The following TMF1 variants were observed in gnomAD, a reference collection of about 807,000 sequenced individuals.
The protein encoded by TMF1 is TATA element modulatory factor.
In TMF1, 71 loss-of-function variants were observed where a neutral mutation model predicts 126.5. That is an observed-to-expected ratio of 0.56 (90% CI 0.46 to 0.68). The LOEUF (loss-of-function observed/expected upper bound fraction) is 0.68. Ranked by LOEUF, TMF1 falls within the 30% of genes least tolerant of loss-of-function variation. TMF1 has a pLI of 0.00. For missense variants in TMF1, 1,259 were observed against 1,253.2 expected, an observed-to-expected ratio of 1.00 and a Z score of -0.07; for synonymous variants, 461 against 430.5, an observed-to-expected ratio of 1.07 and a Z score of -0.88.
Position 69,035,008 on chromosome 3 carries a change from AACCTGTGACAGT to A in TMF1, c.2244+3_2244+14del. On this transcript the variant is annotated splice_donor_5th_base_variant and intron_variant, in intron 9 of 16. Coordinates refer to ENST00000398559, the MANE Select transcript of TMF1 (RefSeq NM_007114.3). ...ATACTTCTTGGATTTGTGTTTTGGA[AACCTGTGACAGT>A]ACCTGCTGAAGTTCACCGATCTCAT... The A allele has an allele frequency of 6.2e-7, 1 of 1,607,820 alleles. No homozygotes were observed. Among genetic ancestry groups the A allele is most frequent in the Middle Eastern group, 1.7e-4 (1 of 6,056 alleles).
In TMF1 at chr3:69,051,878, T is replaced by C. The variant is rs536484219; in HGVS notation, c.142+67A>G. 8.2e-6 allele frequency: 13 copies of C among 1,575,808 alleles called. 1 individual carries two copies. The highest frequency in any genetic ancestry group is 7.0e-5 in the South Asian group (6 of 86,152). The stretch of plus-strand genomic sequence containing the variant: ...AAGGAAGGACCCCTCTCTACACCAC[T>C]TAACCTGCCTGCATCAAGAGAACAG... On this transcript the variant is annotated intron_variant, in intron 1 of 16. Coordinates refer to ENST00000398559, the MANE Select transcript of TMF1 (RefSeq NM_007114.3).
At chr3:69,045,969 C>T (rs1207302485) in intron 2 of TMF1, among the ~76,000 whole-genome samples, 5 of 151,808 alleles carry the variant, frequency 3.3e-5, no homozygotes, top group Non-Finnish European at 7.4e-5. Context: ...GGTGGGAGGA[C>T]TGCTTGAGCC....
At chr3:69,031,931 T>A (rs1486110594) in intron 10 of TMF1, among the ~76,000 whole-genome samples, 2 of 152,228 alleles carry the variant, frequency 1.3e-5, no homozygotes, top group Admixed American at 6.5e-5. Context: ...TTTCAAAAGA[T>A]ATCATTTTCA....
chr3:69,050,269 A>C (rs1292114922), intron 1 of TMF1, among the ~76,000 whole-genome samples: 4 of 151,490 alleles, frequency 2.6e-5, no homozygotes, highest in Non-Finnish European at 5.9e-5. Context: ...CAAAAAAAAA[A>C]AAAACAAAAA....
chr3:69,045,100 A>T, intron 2 of TMF1, among the ~76,000 whole-genome samples: 1 of 152,198 alleles, frequency 6.6e-6, no homozygotes, highest in East Asian at 1.9e-4. Context: ...ACAAGTGTCT[A>T]TTTTCTGTAT....
Position 69,047,545 on chromosome 3 carries a change from G to A in TMF1, c.1160C>T (p.Pro387Leu). 6.2e-7 allele frequency: 1 copy of A among 1,613,968 alleles called. No homozygotes were observed. The highest frequency in any genetic ancestry group is 8.5e-7 in the Non-Finnish European group (1 of 1,180,000). Residue 387 changes from proline to leucine, a missense_variant, in exon 2 of 17, where the codon CCC (proline) becomes CTC (leucine). Coordinates refer to ENST00000398559, the MANE Select transcript of TMF1 (RefSeq NM_007114.3). ...TTCTTCCATTTCTGCTTCCTCAGTG[G>A]GTATAACTAATGTTTCATTTACTTC... ...SEEVNETLVI[P>L]TEEAEMEESG...
chr3:69,024,207 T>C, intron 15 of TMF1, 27 bp from the exon 16 acceptor site: 1 of 1,568,124 alleles, frequency 6.4e-7, no homozygotes, highest in East Asian at 2.3e-5. Context: ...CAAAATAGTT[T>C]AAATCAAAAC....
At chr3:69,033,739 C>T (rs1378346485) in intron 9 of TMF1, 35 bp from the exon 10 acceptor site, 1 of 1,554,430 alleles carries the variant, frequency 6.4e-7, no homozygotes, top group Non-Finnish European at 8.7e-7. Flanking sequence ...TTACCAATGA[C>T]AGCAATAAAA....
intron 3 of TMF1, 29 bp from the exon 4 acceptor site, chr3:69,043,905 G>C: frequency 6.3e-7 from 1 of 1,577,770 alleles, no homozygotes; most frequent in Non-Finnish European, 8.6e-7. Context: ...TTGAGAATGA[G>C]GATGGTGTCT....
chr3:69,023,408 CACT>C (rs2091750262), intron 16 of TMF1, 88 bp from the exon 17 acceptor site: 2 of 1,065,628 alleles, frequency 1.9e-6, no homozygotes, highest in Non-Finnish European at 2.7e-6. Context: ...ACAATGAAAA[CACT>C]ACAATTTAAA....
intron 10 of TMF1, 105 bp from the exon 11 acceptor site, chr3:69,030,112 T>A: frequency 1.1e-6 from 1 of 921,040 alleles, no homozygotes; most frequent in Non-Finnish European, 1.6e-6. Context: ...TAGCCACACT[T>A]AAAACTGATA....
At chr3:69,024,257 A>T in intron 15 of TMF1, 77 bp from the exon 16 acceptor site, 5 of 1,233,612 alleles carry the variant, frequency 4.1e-6, no homozygotes, top group Admixed American at 2.8e-5. Context: ...AAAATATTTA[A>T]TGTGTGTGTG....
rs751412476 is a variant in TMF1, at chr3:69,033,664, T to C, written c.2285A>G (p.Gln762Arg). Residue 762 changes from glutamine to arginine, a missense_variant, in exon 10 of 17, where the codon CAA (glutamine) becomes CGA (arginine). Gln to Arg is a conservative substitution (Grantham distance 43, BLOSUM62 1). Transcript: ENST00000398559. ...TGGTCTTGTTGTTGATGAAACACTT[T>C]GACTCAGTTCCTGGTTTCGATTCTC... ...EAENRNQELSQSVSSTTRPLL... is the reference protein window; with the variant it reads ...EAENRNQELSRSVSSTTRPLL... The C allele has an allele frequency of 2.5e-6, 4 of 1,613,754 alleles. No homozygotes were observed. In the South Asian group the frequency reaches 4.4e-5, roughly 18 times the overall value.
intron 1 of TMF1, among the ~76,000 whole-genome samples, chr3:69,051,323 A>C (rs1328391569): frequency 6.6e-6 from 1 of 152,048 alleles, no homozygotes; most frequent in African/African-American, 2.4e-5. Context: ...AAAAATACAA[A>C]AAGTTGCCGG....
At position 69,020,245 on chromosome 3, in the gene TMF1, G is replaced by A. The variant is rs1383656266; in HGVS notation, c.*2932C>T. On this transcript the variant is annotated 3_prime_UTR_variant, in exon 17 of 17. Transcript: ENST00000398559. ...TCACTACAAACTTCATGTTTCCTAG[G>A]TCAGAAGTTATCCACATTTAGAATA... The A allele has an allele frequency of 6.6e-6, 1 of 152,106 alleles. No homozygotes were observed. Among genetic ancestry groups the A allele is most frequent in the East Asian group, 1.9e-4 (1 of 5,184 alleles). The allele number at this position is 152,106 out of a possible 1,614,324, so 9.4% of individuals were successfully genotyped here. A position where few individuals can be genotyped will look rare whatever the true frequency, so the allele number is the denominator to read the frequency against.
intron 7 of TMF1, 38 bp from the exon 8 acceptor site, chr3:69,038,758 G>C: frequency 6.3e-7 from 1 of 1,594,216 alleles, no homozygotes; most frequent in Non-Finnish European, 8.5e-7. Context: ...TGTTGCCAGT[G>C]ATCAGATAAT....
rs1208614626 is a variant in TMF1, at chr3:69,048,270, A to C, written c.435T>G (p.Pro145=). The change falls in exon 2 of 17, where the codon CCT becomes CCG. Residue 145 remains proline (P), a synonymous_variant. Coordinates refer to ENST00000398559, the MANE Select transcript of TMF1 (RefSeq NM_007114.3). ...CTTTTACTTGTGATTCAGTTGTTTC[A>C]GGAGTTCTTGACTGGCCAATGTGCA... The part of the protein sequence containing the change: ...ESLHIGQSRT[P]ETTESQVKDS... 2 of 1,614,206 alleles carry C rather than the reference A, an allele frequency of 1.2e-6. No individual in the cohort carries two copies. The highest frequency in any genetic ancestry group is 2.2e-5 in the South Asian group (2 of 91,092).
intron 13 of TMF1, 23 bp from the exon 14 acceptor site, chr3:69,026,120 G>A (rs1329562231): frequency 6.5e-7 from 1 of 1,528,236 alleles, no homozygotes; most frequent in Non-Finnish European, 9.1e-7. Flanking sequence ...AAAAAATTCT[G>A]TTCATATTAA....
chr3:69,027,355 T>TA (rs961657093), intron 13 of TMF1, among the ~76,000 whole-genome samples: 31 of 152,154 alleles, frequency 2.0e-4, no homozygotes, highest in Non-Finnish European at 4.1e-4. Context: ...AAGCCAGACT[T>TA]ACTCCTTAAG....
Sources: gnomAD v4.1 joint callset for allele counts (sites outside exome capture counted in the v4.1 genomes callset) on GRCh38, gnomAD v4.1.1 for gene constraint, MANE v1.5 for transcripts, NCBI Gene and HGNC (gene_info 2026-07-23, HGNC 2026-07-21) for gene names.